The following MTMR12 variants were observed in gnomAD, a reference collection of about 807,000 sequenced individuals.
MTMR12 encodes myotubularin related protein 12.
MTMR12 carries 33 observed loss-of-function variants against 96.7 expected under a neutral mutation model. The ratio of observed to expected loss-of-function variants is 0.34; its 90% confidence interval spans 0.26 to 0.46. MTMR12 has a LOEUF of 0.46. Ranked by LOEUF, MTMR12 falls within the 20% of genes least tolerant of loss-of-function variation. The pLI, the probability that MTMR12 is intolerant of heterozygous loss-of-function variation, is 1.00. For missense variants in MTMR12, 721 were observed against 896.1 expected, an observed-to-expected ratio of 0.80 and a Z score of 2.49; for synonymous variants, 298 against 327.2, an observed-to-expected ratio of 0.91 and a Z score of 0.96.
In MTMR12 at chr5:32,255,709, T is replaced by G; in HGVS notation, c.773A>C (p.Gln258Pro). 6.2e-7 allele frequency: 1 copy of G among 1,611,928 alleles called. No homozygotes were observed. Among genetic ancestry groups the G allele is most frequent in the Non-Finnish European group, 8.5e-7 (1 of 1,179,168 alleles). ...PLPEENVQRF[Q>P]GHGIPIWCWS... The stretch of plus-strand genomic sequence containing the variant: ...TGCACTTACTGGTATGCCATGACCC[T>G]GAAAGCGCTGCACATTCTCTTCAGG... The change falls in exon 8 of 16, where the codon CAG becomes CCG. Residue 258 changes from glutamine (Q) to proline (P), a missense_variant. Gln to Pro is a moderately conservative substitution (Grantham distance 76, BLOSUM62 -1). Transcript: ENST00000382142.
intron 1 of MTMR12, among the ~76,000 whole-genome samples, chr5:32,282,086 T>A (rs1750318714): frequency 6.6e-6 from 1 of 151,680 alleles, no homozygotes; most frequent in Non-Finnish European, 1.5e-5. Flanking sequence ...CTGTACTCAA[T>A]CATCACGAGC....
intron 2 of MTMR12, 34 bp downstream of exon 2, chr5:32,276,648 T>C: frequency 9.6e-6 from 15 of 1,565,776 alleles, no homozygotes; most frequent in Non-Finnish European, 1.3e-5. Flanking sequence ...GGCTTTGCCT[T>C]GCATAGGAGT....
chr5:32,229,756 T>C lies in MTMR12; in HGVS notation c.*22A>G. On this transcript the variant is annotated 3_prime_UTR_variant, in exon 16 of 16. Coordinates refer to ENST00000382142, the MANE Select transcript of MTMR12 (RefSeq NM_001040446.3). ...TGTCCCAATCTCCCACATTCCTCTT[T>C]CACAATCACTCAACAAACAGGTCAC... 6.7e-7 allele frequency: 1 copy of C among 1,495,748 alleles called. No homozygotes were observed. The highest frequency in any genetic ancestry group is 8.9e-7 in the Non-Finnish European group (1 of 1,121,732). The allele number at this position is 1,495,748 out of a possible 1,614,324, so 92.7% of individuals were successfully genotyped here.
intron 12 of MTMR12, among the ~76,000 whole-genome samples, chr5:32,240,547 A>G (rs1029854980): frequency 2.0e-5 from 3 of 152,156 alleles, no homozygotes; most frequent in African/African-American, 7.2e-5. Context: ...ATGGGATGAC[A>G]TGGGTTACAG....
intron 8 of MTMR12, 36 bp downstream of exon 8, chr5:32,255,657 C>A (rs374134247): frequency 1.0e-5 from 16 of 1,560,192 alleles, no homozygotes; most frequent in East Asian, 4.5e-5. Context: ...GACCAATGCA[C>A]AACCCACACC....
At chr5:32,295,683 T>C (rs1750896536) in intron 1 of MTMR12, among the ~76,000 whole-genome samples, 2 of 152,356 alleles carry the variant, frequency 1.3e-5, no homozygotes, top group Admixed American at 6.5e-5. Flanking sequence ...ATGTCACTTA[T>C]CTTGACAACA....
At chr5:32,255,057 G>T (rs369141431) in intron 8 of MTMR12, among the ~76,000 whole-genome samples, 2 of 152,226 alleles carry the variant, frequency 1.3e-5, no homozygotes, top group Admixed American at 6.5e-5. Context: ...TTCTGGGCAC[G>T]TGACCCTGCT....
In MTMR12 at chr5:32,229,843, C is replaced by T. The variant is rs899052219; in HGVS notation, c.2179G>A (p.Ala727Thr). ...GCCAAATCGTCTTCATCTCCCAAAG[C>T]TTTCCAGCCACTGGTGGGTAAGACG... is the stretch of plus-strand genomic sequence containing the variant. ...KPVLPTSGWK[A>T]LGDEDDLAKR... The change falls in exon 16 of 16, where the codon GCT becomes ACT. Residue 727 changes from alanine to threonine, a missense_variant. Physicochemically the swap from Ala to Thr is moderately conservative, Grantham distance 58. Coordinates refer to ENST00000382142, the MANE Select transcript of MTMR12 (RefSeq NM_001040446.3). The T allele has an allele frequency of 9.4e-6, 15 of 1,597,146 alleles. No individual in the cohort carries two copies. The highest frequency in any genetic ancestry group is 1.3e-5 in the Non-Finnish European group (15 of 1,172,278).
Position 32,312,884 on chromosome 5 carries a change from C to T in MTMR12, c.-46G>A. The T allele has an allele frequency of 6.7e-7, 1 of 1,493,824 alleles. No homozygotes were observed. The highest frequency in any genetic ancestry group is 8.9e-7 in the Non-Finnish European group (1 of 1,125,380). 92.5% of individuals were successfully genotyped at this position (1,493,824 alleles called of 1,614,324 possible). A position where few individuals can be genotyped will look rare whatever the true frequency, so the allele number is the denominator to read the frequency against. ...CGACGCGCGGACGCAGAGGCGGCGG[C>T]TCGGGCTCCAGCTGGGGCAGCAGCG... On this transcript the variant is annotated 5_prime_UTR_variant, in exon 1 of 16. Coordinates refer to ENST00000382142, the MANE Select transcript of MTMR12 (RefSeq NM_001040446.3). This position sits in a 1 kb window ranked among gnomAD's most constrained non-coding sequence, Gnocchi z 5.0.
At chr5:32,305,622 G>A (rs186645477) in intron 1 of MTMR12, among the ~76,000 whole-genome samples, 48 of 151,924 alleles carry the variant, frequency 3.2e-4, no homozygotes, top group Admixed American at 6.6e-4. Flanking sequence ...GGGATACCGC[G>A]GCCGGGCGCG....
At chr5:32,273,365 G>T (rs1335049396) in intron 3 of MTMR12, among the ~76,000 whole-genome samples, 1 of 152,134 alleles carries the variant, frequency 6.6e-6, no homozygotes, top group African/African-American at 2.4e-5. Context: ...GACAGAGTGA[G>T]ACTCTGTCTC....
rs1747916230 is a variant in MTMR12 at position 32,229,785 on chromosome 5, T to C, written c.2237A>G (p.Asp746Gly). Residue 746 changes from aspartate (D) to glycine (G), a missense_variant, in exon 16 of 16, where the codon GAT (aspartate) becomes GGT (glycine). Physicochemically the swap from Asp to Gly is moderately conservative, Grantham distance 94. Transcript: ENST00000382142. The part of the protein sequence containing the change: ...KREDEFVDLG[D>G]V ...AATCACTCAACAAACAGGTCACACA[T>C]CCCCTAGGTCCACGAACTCATCTTC... The C allele has an allele frequency of 6.6e-7, 1 of 1,526,676 alleles. No individual in the cohort carries two copies. Among genetic ancestry groups the C allele is most frequent in the African/African-American group, 1.4e-5 (1 of 72,124 alleles). 94.6% of individuals were successfully genotyped at this position (1,526,676 alleles called of 1,614,324 possible). A position where few individuals can be genotyped will look rare whatever the true frequency, so the allele number is the denominator to read the frequency against.
chr5:32,231,179 CAGG>C (rs1747980777), intron 15 of MTMR12, among the ~76,000 whole-genome samples: 1 of 152,014 alleles, frequency 6.6e-6, no homozygotes, highest in Admixed American at 6.6e-5. Flanking sequence ...CACCTGAGGC[CAGG>C]AGTTCAAGAC....
chr5:32,290,485 A>G (rs994875903), intron 1 of MTMR12, among the ~76,000 whole-genome samples: 6 of 152,228 alleles, frequency 3.9e-5, no homozygotes, highest in African/African-American at 1.4e-4. Flanking sequence ...AAGATGAAGG[A>G]TAAGTTGCTA....
chr5:32,228,787 T>C lies in MTMR12; in HGVS notation c.*991A>G, dbSNP rs375577331. Reference sequence around the variant, plus strand: ...AAGCTGCTTTCCTATGAAAGCCACATTCAAAAGTGACCCAATCCCATCAGT... The same window carrying C: ...AAGCTGCTTTCCTATGAAAGCCACACTCAAAAGTGACCCAATCCCATCAGT... On this transcript the variant is annotated 3_prime_UTR_variant, in exon 16 of 16. Transcript: ENST00000382142. 5.9e-5 allele frequency: 9 copies of C among 151,808 alleles called. No homozygotes were observed. In the East Asian group the frequency reaches 1.4e-3, roughly 23 times the overall value. 9.4% of individuals were successfully genotyped at this position (151,808 alleles called of 1,614,324 possible). A position where few individuals can be genotyped will look rare whatever the true frequency, so the allele number is the denominator to read the frequency against.
At position 32,270,926 on chromosome 5, in the gene MTMR12, G is replaced by C; in HGVS notation, c.380C>G (p.Thr127Ser). The C allele has an allele frequency of 6.2e-7, 1 of 1,613,538 alleles. No homozygotes were observed. ...IYGVFDEKKK[T>S]LFGQLKKYPE... Reference sequence around the variant, plus strand: ...GTATTTCTTCAGTTGTCCAAAGAGAGTTTTCTTTTTCTCATCAAACACTAC... The same window carrying C: ...GTATTTCTTCAGTTGTCCAAAGAGACTTTTCTTTTTCTCATCAAACACTAC... Residue 127 changes from threonine (T) to serine (S), a missense_variant, in exon 5 of 16, where the codon ACT becomes AGT. Thr to Ser is a moderately conservative substitution (Grantham distance 58). Coordinates refer to ENST00000382142, the MANE Select transcript of MTMR12 (RefSeq NM_001040446.3).
At chr5:32,260,225 G>C (rs748663153) in intron 7 of MTMR12, among the ~76,000 whole-genome samples, 1 of 151,454 alleles carries the variant, frequency 6.6e-6, no homozygotes, top group Non-Finnish European at 1.5e-5. Context: ...GAAGGGCCTT[G>C]AGAGTGCTTG....
chr5:32,250,481 T>G (rs1475534313), intron 8 of MTMR12, among the ~76,000 whole-genome samples: 2 of 152,228 alleles, frequency 1.3e-5, no homozygotes, highest in Non-Finnish European at 2.9e-5. Flanking sequence ...GTTCTTGCAT[T>G]CCCTTTCTCA....
At chr5:32,290,393 T>C (rs1288277856) in intron 1 of MTMR12, among the ~76,000 whole-genome samples, 2 of 152,150 alleles carry the variant, frequency 1.3e-5, no homozygotes, top group African/African-American at 4.8e-5. Flanking sequence ...GGGAACTAAA[T>C]CCAACTAAAA....
Sources: gnomAD v4.1 joint callset for allele counts (sites outside exome capture counted in the v4.1 genomes callset) on GRCh38, gnomAD v4.1.1 for gene constraint, Gnocchi (gnomAD v3.1) non-coding constraint, MANE v1.5 for transcripts, NCBI Gene and HGNC (gene_info 2026-07-23, HGNC 2026-07-21) for gene names.